Variants in CDH18 observed in about 807,000 individuals in gnomAD.
CDH18 encodes the protein cadherin 18.
CDH18 carries 31 observed loss-of-function variants against 67.9 expected under a neutral mutation model. That is an observed-to-expected ratio of 0.46 (90% CI 0.34 to 0.62). CDH18 has a LOEUF of 0.62. Ranked by LOEUF, CDH18 falls within the 20% of genes least tolerant of loss-of-function variation. The probability of loss-of-function intolerance (pLI) is 0.01; values close to 1 mark genes in which losing one functional copy is unlikely to be tolerated. For missense variants in CDH18, 890 were observed against 975.5 expected (o/e 0.91, Z 1.17); for synonymous variants, 362 against 347.2 (o/e 1.04, Z -0.48).
intron 2 of CDH18, among the ~76,000 whole-genome samples, chr5:20,251,203 A>C (rs1743832206): frequency 6.6e-6 from 1 of 152,144 alleles, no homozygotes. Flanking sequence ...GGTGCTGTAA[A>C]ATTTAAACAT....
intron 1 of CDH18, among the ~76,000 whole-genome samples, chr5:20,513,268 T>C (rs1480404767): frequency 1.3e-5 from 2 of 152,146 alleles, no homozygotes. Flanking sequence ...CACATGTAGC[T>C]CAAACATTAG....
At chr5:20,020,705 G>C (rs1738337491) in intron 2 of CDH18, among the ~76,000 whole-genome samples, 1 of 152,170 alleles carries the variant, frequency 6.6e-6, no homozygotes, top group African/African-American at 2.4e-5. Flanking sequence ...TTCAGAGGGT[G>C]TATGGAAATG....
chr5:20,471,749 C>T (rs997326729), intron 1 of CDH18, among the ~76,000 whole-genome samples: 1 of 148,750 alleles, frequency 6.7e-6, no homozygotes, highest in East Asian at 2.1e-4. Flanking sequence ...TTGCAGTGAG[C>T]CAAGATCACG....
At chr5:19,474,864 T>G (rs1186625089) in intron 12 of CDH18, among the ~76,000 whole-genome samples, 1 of 152,084 alleles carries the variant, frequency 6.6e-6, no homozygotes, top group Non-Finnish European at 1.5e-5. Flanking sequence ...GGAACTTTGC[T>G]TTGGCCATTT....
chr5:19,960,090 T>C (rs1796641579), intron 2 of CDH18, among the ~76,000 whole-genome samples: 1 of 152,104 alleles, frequency 6.6e-6, no homozygotes, highest in South Asian at 2.1e-4. Flanking sequence ...TACACTACTG[T>C]AGTCTTTATA....
intron 5 of CDH18, among the ~76,000 whole-genome samples, chr5:19,646,123 G>C (rs962336109): frequency 6.6e-6 from 1 of 152,188 alleles, no homozygotes; most frequent in Middle Eastern, 3.4e-3. Context: ...TATGTTGAAG[G>C]AAAAGTTGAG....
At chr5:19,821,436 A>G (rs1443957439) in intron 3 of CDH18, among the ~76,000 whole-genome samples, 1 of 152,056 alleles carries the variant, frequency 6.6e-6, no homozygotes. Context: ...AAGAATTTTT[A>G]AAATGAACAA....
At chr5:19,616,102 T>C (rs1749789542) in intron 5 of CDH18, among the ~76,000 whole-genome samples, 1 of 152,160 alleles carries the variant, frequency 6.6e-6, no homozygotes, top group Non-Finnish European at 1.5e-5. Flanking sequence ...GTGAACAGTG[T>C]TGAAATAAGT....
At chr5:19,983,102 T>C (rs560151812) in intron 1 of CDH18, among the ~76,000 whole-genome samples, 148 of 151,050 alleles carry the variant, frequency 9.8e-4, no homozygotes, top group Non-Finnish European at 1.7e-3. Flanking sequence ...ATCAAAAATA[T>C]ATATATGTAT....
chr5:20,005,336 G>A (rs1236907315), intron 2 of CDH18, among the ~76,000 whole-genome samples: 2 of 150,612 alleles, frequency 1.3e-5, no homozygotes, highest in Non-Finnish European at 3.0e-5. Context: ...AAAAATAATG[G>A]CAAAATAAGT....
intron 5 of CDH18, among the ~76,000 whole-genome samples, chr5:19,708,454 AG>A (rs1041099583): frequency 2.0e-5 from 3 of 152,050 alleles, no homozygotes. Context: ...GCAAAAAAAA[AG>A]GGGGGGACAT....
At chr5:20,163,765 A>C (rs2126621469) in intron 2 of CDH18, among the ~76,000 whole-genome samples, 1 of 152,346 alleles carries the variant, frequency 6.6e-6, no homozygotes, top group Non-Finnish European at 1.5e-5. Context: ...CAATCACTAA[A>C]GTTTTCTCAG....
chr5:19,748,112 C>CAATAAAAAAAAAAAAAAAA (rs1770326939), intron 3 of CDH18, among the ~76,000 whole-genome samples: 1 of 14,858 alleles, frequency 6.7e-5, no homozygotes. Context: ...GACTCCATCT[C>CAATAAAAAAAAAAAAAAAA]AAAAAAAAAA....
chr5:20,150,182 T>C (rs996971513), intron 2 of CDH18, among the ~76,000 whole-genome samples: 1 of 152,108 alleles, frequency 6.6e-6, no homozygotes, highest in Non-Finnish European at 1.5e-5. Flanking sequence ...GAAATTATAA[T>C]TTTACCTGTG....
chr5:20,000,567 C>T (rs564641513), intron 2 of CDH18, among the ~76,000 whole-genome samples: 6 of 152,198 alleles, frequency 3.9e-5, no homozygotes, highest in Admixed American at 3.9e-4. Context: ...GTTAGCCAAA[C>T]ATTTTGAAGA....
intron 2 of CDH18, among the ~76,000 whole-genome samples, chr5:19,920,425 C>T (rs1792301841): frequency 6.6e-6 from 1 of 151,758 alleles, no homozygotes; most frequent in African/African-American, 2.4e-5. Flanking sequence ...CCATCAATTC[C>T]TTTAGAATCA....
chr5:19,622,777 T>C (rs1750915899), intron 5 of CDH18, among the ~76,000 whole-genome samples: 1 of 152,076 alleles, frequency 6.6e-6, no homozygotes, highest in Non-Finnish European at 1.5e-5. Flanking sequence ...CACCCATCCT[T>C]GAACTTCCCT....
At chr5:19,899,767 G>A (rs2150108845) in intron 2 of CDH18, among the ~76,000 whole-genome samples, 1 of 152,234 alleles carries the variant, frequency 6.6e-6, no homozygotes, top group East Asian at 1.9e-4. Context: ...TAGCCATAAA[G>A]AAGAAAAGCC....
At chr5:19,819,024 T>C (rs377400740) in intron 3 of CDH18, among the ~76,000 whole-genome samples, 14 of 152,090 alleles carry the variant, frequency 9.2e-5, no homozygotes, top group African/African-American at 3.4e-4. Context: ...GAAAAAAATG[T>C]GACTTATGGA....
Sources: allele counts gnomAD v4.1 joint callset (sites outside exome capture counted in the v4.1 genomes callset), GRCh38; gene constraint gnomAD v4.1.1; transcripts MANE v1.5; gene names NCBI Gene and HGNC (gene_info 2026-07-23, HGNC 2026-07-21).